SLC39A12: variants seen among roughly 807,000 people sequenced by gnomAD.
SLC39A12 encodes the protein solute carrier family 39 member 12, also known as zinc transporter ZIP12.
A neutral mutation model predicts 71.1 loss-of-function variants in SLC39A12; 63 were observed. The observed-to-expected ratio is 0.89, with a 90% CI of 0.72 to 1.09. The LOEUF (loss-of-function observed/expected upper bound fraction) is 1.09, where lower values mean the gene tolerates loss of function less well. Ranked by LOEUF, SLC39A12 falls within the 50% of genes least tolerant of loss-of-function variation. The probability of loss-of-function intolerance (pLI) is 0.00; values close to 1 mark genes in which losing one functional copy is unlikely to be tolerated. For synonymous variants in SLC39A12, 351 were observed against 301.3 expected, an observed-to-expected ratio of 1.16 and a Z score of -1.71; for missense variants, 892 against 812.6, an observed-to-expected ratio of 1.10 and a Z score of -1.19.
intron 12 of SLC39A12, among the ~76,000 whole-genome samples, chr10:18,037,666 G>A (rs1837094881): frequency 6.6e-6 from 1 of 152,130 alleles, no homozygotes; most frequent in South Asian, 2.1e-4. Context: ...AATAAAATAA[G>A]CATTGCATAA....
chr10:17,967,103 C>T (rs917259559), intron 4 of SLC39A12, among the ~76,000 whole-genome samples: 5 of 152,102 alleles, frequency 3.3e-5, no homozygotes, highest in African/African-American at 1.2e-4. Context: ...ATACGTGTCA[C>T]ACTTCTTCCA....
At chr10:17,959,654 C>G (rs1214352175) in intron 2 of SLC39A12, among the ~76,000 whole-genome samples, 1 of 152,158 alleles carries the variant, frequency 6.6e-6, no homozygotes, top group East Asian at 1.9e-4. Context: ...CTTCTCAGAT[C>G]CTGTGAGAAT....
In SLC39A12 at chr10:18,037,750, G is replaced by A. The variant is rs184998463; in HGVS notation, c.1948-4955G>A. On this transcript the variant is annotated intron_variant, in intron 12 of 12. Transcript: ENST00000377369. ...GCTAGAAGGCACAGCTAGGCCAGGT[G>A]CAGGGGCTCACACCTGTAATCCCAG... Among the ~76,000 whole-genome samples, 267 of 152,200 alleles carry A rather than the reference G, an allele frequency of 1.8e-3. 2 individuals are homozygous for A. Among genetic ancestry groups the A allele is most frequent in the Non-Finnish European group, 3.1e-4 (21 of 67,990 alleles).
At chr10:17,994,771 G>A (rs1045657438) in intron 9 of SLC39A12, among the ~76,000 whole-genome samples, 3 of 152,010 alleles carry the variant, frequency 2.0e-5, no homozygotes, top group African/African-American at 4.8e-5. Flanking sequence ...ATTCTAATAC[G>A]TGAACTTTAC....
At chr10:18,022,975 G>A (rs1836576296) in intron 12 of SLC39A12, among the ~76,000 whole-genome samples, 1 of 152,158 alleles carries the variant, frequency 6.6e-6, no homozygotes, top group African/African-American at 2.4e-5. Context: ...CAGTAGACAG[G>A]CTCTTAGCCA....
At chr10:17,962,248 A>G (rs1834709729) in intron 3 of SLC39A12, among the ~76,000 whole-genome samples, 1 of 152,232 alleles carries the variant, frequency 6.6e-6, no homozygotes, top group Admixed American at 6.5e-5. Context: ...CGAAAGGAGA[A>G]GGCAGAGACA....
rs1836956307 is a variant in SLC39A12, at chr10:18,034,925, A to G, written c.1948-7780A>G. ...CTTATGAAGCTTAATTTGGCTGGAT[A>G]TGAAATTCTGGATTGAAAATTCTTG... On this transcript the variant is annotated intron_variant, in intron 12 of 12. Transcript: ENST00000377369. 2.6e-5 allele frequency among the ~76,000 whole-genome samples: 4 copies of G among 152,222 alleles called. No individual in the cohort carries two copies. In the South Asian group the frequency reaches 8.3e-4, roughly 32 times the overall value.
chr10:18,016,138 T>G (rs1326648890), intron 12 of SLC39A12, among the ~76,000 whole-genome samples: 1 of 152,224 alleles, frequency 6.6e-6, no homozygotes, highest in Non-Finnish European at 1.5e-5. Context: ...ATACTCACCA[T>G]TGTATCATAC....
chr10:17,962,070 G>C (rs776917335), intron 3 of SLC39A12, among the ~76,000 whole-genome samples: 1 of 152,096 alleles, frequency 6.6e-6, no homozygotes, highest in Non-Finnish European at 1.5e-5. Flanking sequence ...AGCAGTTTTC[G>C]CCAGAAGTTC....
In SLC39A12 at chr10:18,041,535, TACACAC is replaced by T. The variant is rs56222977; in HGVS notation, c.1948-1153_1948-1148del. ...TTATATATATATATATGTATATATA[TACACAC>T]ACACACACACACACACGCACACATA... On this transcript the variant is annotated intron_variant, in intron 12 of 12. Transcript: ENST00000377369. Among the ~76,000 whole-genome samples the T allele has an allele frequency of 2.5e-3, 301 of 120,688 alleles. 21 individuals carry two copies. Among genetic ancestry groups the T allele is most frequent in the African/African-American group, 8.7e-3 (281 of 32,232 alleles). The allele number at this position is 120,688 out of a possible 152,430, so 79.2% of individuals were successfully genotyped here.
intron 12 of SLC39A12, among the ~76,000 whole-genome samples, chr10:18,029,569 C>T (rs1836778838): frequency 6.6e-6 from 1 of 152,144 alleles, no homozygotes; most frequent in South Asian, 2.1e-4. Flanking sequence ...TTAGCACTAC[C>T]TCTGGGCAAG....
chr10:18,013,346 T>TTTTTTTTTATTATTA (rs57028037), intron 12 of SLC39A12, among the ~76,000 whole-genome samples: 2 of 139,846 alleles, frequency 1.4e-5, no homozygotes, highest in East Asian at 4.1e-4. Flanking sequence ...TCCAACTTTA[T>TTTTTTTTTATTATTA]TTATTATTAT....
At chr10:18,030,195 T>A (rs1482195572) in intron 12 of SLC39A12, among the ~76,000 whole-genome samples, 3 of 152,202 alleles carry the variant, frequency 2.0e-5, no homozygotes, top group African/African-American at 7.2e-5. Flanking sequence ...GAGAATCTCC[T>A]TGAACTTTTT....
chr10:18,007,109 AAGTGGAAGAAGCTCCAAACCCTGC>A (rs1836046687), intron 12 of SLC39A12: 1 of 152,322 alleles, frequency 6.6e-6, no homozygotes, highest in Non-Finnish European at 1.5e-5. Context: ...AGAAAACAAT[AAGTGGAAGAAGCTCCAAACCCTGC>A]TGGCCCTGAG....
At chr10:18,002,190 G>C (rs1835856108) in intron 11 of SLC39A12, 1 of 152,148 alleles carries the variant, frequency 6.6e-6, no homozygotes, top group Non-Finnish European at 1.5e-5. Flanking sequence ...GCTCCCAAGG[G>C]AGAGGGCTCT....
At chr10:18,039,286 G>A (rs1837153407) in intron 12 of SLC39A12, among the ~76,000 whole-genome samples, 1 of 152,154 alleles carries the variant, frequency 6.6e-6, no homozygotes, top group Admixed American at 6.5e-5. Flanking sequence ...GAGTAATCAA[G>A]GTTTGAGCCT....
intron 12 of SLC39A12, among the ~76,000 whole-genome samples, chr10:18,040,230 G>T (rs1374587788): frequency 6.6e-6 from 1 of 152,106 alleles, no homozygotes; most frequent in Non-Finnish European, 1.5e-5. Context: ...AATCAGATAA[G>T]ATTTTTCTAA....
chr10:18,042,306 C>T (rs1490501261), intron 12 of SLC39A12, among the ~76,000 whole-genome samples: 1 of 151,856 alleles, frequency 6.6e-6, no homozygotes, highest in African/African-American at 2.4e-5. Flanking sequence ...AGGGAAACCC[C>T]ATCTCTACAA....
intron 10 of SLC39A12, among the ~76,000 whole-genome samples, 185 bp downstream of exon 10, chr10:17,995,907 A>T (rs945999744): frequency 1.3e-5 from 2 of 152,262 alleles, no homozygotes; most frequent in Admixed American, 1.3e-4. Context: ...CTACATATTC[A>T]TATCAATTTT....
Sources: allele counts gnomAD v4.1 joint callset (sites outside exome capture counted in the v4.1 genomes callset), GRCh38; gene constraint gnomAD v4.1.1; transcripts MANE v1.5; gene names NCBI Gene and HGNC (gene_info 2026-07-23, HGNC 2026-07-21).